Variants in NCKIPSD observed in about 807,000 individuals in gnomAD.
NCKIPSD encodes the protein NCK-interacting protein with SH3 domain.
Under a neutral mutation model 73.4 loss-of-function variants are expected in NCKIPSD, and 48 were observed. The observed-to-expected ratio is 0.65, with a 90% CI of 0.52 to 0.83. NCKIPSD has a LOEUF of 0.83. NCKIPSD is among the 40% of genes least tolerant of loss of function. NCKIPSD has a pLI of 0.00. For missense variants in NCKIPSD, 884 were observed against 970.2 expected, an observed-to-expected ratio of 0.91 and a Z score of 1.18; for synonymous variants, 422 against 403.6, an observed-to-expected ratio of 1.05 and a Z score of -0.54.
chr3:48,675,521 T>C (rs1473859191), intron 12 of NCKIPSD, among the ~76,000 whole-genome samples: 1 of 73,170 alleles, frequency 1.4e-5, no homozygotes, highest in East Asian at 2.3e-4. Flanking sequence ...TATATATATA[T>C]ATATATGATA....
chr3:48,677,774 C>T (rs2077277372), intron 12 of NCKIPSD, among the ~76,000 whole-genome samples: 1 of 152,206 alleles, frequency 6.6e-6, no homozygotes, highest in Admixed American at 6.5e-5. Flanking sequence ...CTAGTTGTTT[C>T]AGCTGTGCCC....
In NCKIPSD at chr3:48,681,636, CGGGGCACAGGT is replaced by C. The variant is rs767853285; in HGVS notation, c.732_742del (p.Val246ArgfsTer20). The C allele has an allele frequency of 1.9e-6, 3 of 1,612,694 alleles. No homozygotes were observed. In the South Asian group the frequency reaches 3.3e-5, roughly 18 times the overall value. ...GGACACGGTGGTGTGGGTGCCTCGG[CGGGGCACAGGT>C]GGGGGTGTGGGTGAGCAGCTGGAGC... On this transcript the variant is annotated frameshift_variant, in exon 5 of 13. Coordinates refer to ENST00000294129, the MANE Select transcript of NCKIPSD (RefSeq NM_016453.4). LOFTEE classifies it high-confidence loss of function.
At chr3:48,676,966 T>C (rs921949358) in intron 12 of NCKIPSD, among the ~76,000 whole-genome samples, 12 of 148,796 alleles carry the variant, frequency 8.1e-5, no homozygotes, top group African/African-American at 3.0e-4. Flanking sequence ...TTTGTATTTT[T>C]AGTAGAGACC....
At chr3:48,681,094 A>T in intron 5 of NCKIPSD, 193 bp downstream of exon 5, 1 of 833,794 alleles carries the variant, frequency 1.2e-6, no homozygotes, top group Non-Finnish European at 1.8e-6. Context: ...GCCCTTGTCC[A>T]GGCTGCGCAT....
intron 2 of NCKIPSD, 46 bp downstream of exon 2, chr3:48,682,857 C>A: frequency 6.6e-7 from 1 of 1,525,998 alleles, no homozygotes. Context: ...AACCCCACCC[C>A]ACCATGCTCA....
intron 1 of NCKIPSD, among the ~76,000 whole-genome samples, chr3:48,683,979 GACACACACACACACAC>G (rs545029045): frequency 7.8e-4 from 102 of 131,192 alleles, no homozygotes; most frequent in South Asian, 1.3e-3. Context: ...AAGACATGAA[GACACACACACACACAC>G]ACACACACAC....
intron 6 of NCKIPSD, 62 bp from the exon 7 acceptor site, chr3:48,679,949 A>G: frequency 1.2e-6 from 2 of 1,612,442 alleles, no homozygotes; most frequent in Middle Eastern, 1.7e-4. Context: ...GCCGCACAAG[A>G]GAGGGCTGAG....
Position 48,682,348 on chromosome 3 carries a change from C to G in NCKIPSD, c.486G>C (p.Gln162His). The change falls in exon 3 of 13, where the codon CAG becomes CAC. Residue 162 changes from glutamine to histidine, a missense_variant and splice_region_variant. By Grantham distance (24) the Gln-to-His change is conservative. Coordinates refer to ENST00000294129, the MANE Select transcript of NCKIPSD (RefSeq NM_016453.4). ...TCTCCACGATGTCCTCCCCACACAC[C>G]TGGTAGAGGCCTCCATCTGCCCCAA... ...EHLGADGGLY[Q>H]IPLPSSQIPP... is the part of the protein sequence containing the mutation. 6.2e-7 allele frequency: 1 copy of G among 1,613,990 alleles called. No individual in the cohort carries two copies. Among genetic ancestry groups the G allele is most frequent in the African/African-American group, 1.3e-5 (1 of 75,050 alleles).
At position 48,682,889 on chromosome 3, in the gene NCKIPSD, CCCT is replaced by C; in HGVS notation, c.281+11_281+13del. 1.3e-6 allele frequency: 2 copies of C among 1,541,226 alleles called. No homozygotes were observed. The highest frequency in any genetic ancestry group is 1.8e-6 in the Non-Finnish European group (2 of 1,139,696). ...CTCACCGGGAGGTCCCACTTCACTC[CCCT>C]CAACACTCACTGGAGGACTCCACGC... On this transcript the variant is annotated intron_variant, in intron 2 of 12. Transcript: ENST00000294129.
intron 5 of NCKIPSD, among the ~76,000 whole-genome samples, chr3:48,680,455 C>G (rs2077332731): frequency 6.6e-6 from 1 of 152,150 alleles, no homozygotes; most frequent in Admixed American, 6.5e-5. Flanking sequence ...CCTCTCATCC[C>G]AGACCTGGAT....
At chr3:48,681,908 C>T in intron 4 of NCKIPSD, 128 bp from the exon 5 acceptor site, 4 of 1,467,586 alleles carry the variant, frequency 2.7e-6, no homozygotes, top group Non-Finnish European at 3.6e-6. Context: ...TCACAAAGCC[C>T]AGAGCCCCTA....
rs11545754 is a variant in NCKIPSD, at chr3:48,674,096, A to G, written c.*448T>C. On this transcript the variant is annotated 3_prime_UTR_variant, in exon 13 of 13. Transcript: ENST00000294129. ...CCCCCATGTGCGGGTGGAGGGGAGG[A>G]CATGAGCAGCACTCACTGCAAAGCT... 3 of 1,087,164 alleles carry G rather than the reference A, an allele frequency of 2.8e-6. No individual in the cohort carries two copies. The highest frequency in any genetic ancestry group is 3.4e-6 in the Non-Finnish European group (3 of 891,938). The allele number at this position is 1,087,164 out of a possible 1,614,324, so 67.3% of individuals were successfully genotyped here.
rs375286046 is a variant in NCKIPSD at position 48,678,601 on chromosome 3, G to A, written c.1928C>T (p.Thr643Ile). The A allele has an allele frequency of 5.0e-6, 8 of 1,613,982 alleles. No individual in the cohort carries two copies. The highest frequency in any genetic ancestry group is 6.8e-6 in the Non-Finnish European group (8 of 1,179,990). ...HTDMMALIDITVRHIADLSPG... is the reference protein window; with the variant it reads ...HTDMMALIDIIVRHIADLSPG... ...TGACAGGTCTGCGATGTGCCGCACAGTGATGTCAATGAGAGCCATCATGTC... is the reference window on the plus strand; with the variant it reads ...TGACAGGTCTGCGATGTGCCGCACAATGATGTCAATGAGAGCCATCATGTC... The change falls in exon 12 of 13, where the codon ACT becomes ATT. Residue 643 changes from threonine to isoleucine, a missense_variant. Coordinates refer to ENST00000294129, the MANE Select transcript of NCKIPSD (RefSeq NM_016453.4).
chr3:48,685,873 G>C lies in NCKIPSD; in HGVS notation c.-66C>G, dbSNP rs992834641. ...GCGGCGCCACAACGCCAGGCCGGGA[G>C]CGCCGAGCCGCGCCGCGGTTGTCCC... On this transcript the variant is annotated 5_prime_UTR_variant, in exon 1 of 13. Coordinates refer to ENST00000294129, the MANE Select transcript of NCKIPSD (RefSeq NM_016453.4). The C allele has an allele frequency of 2.3e-6, 3 of 1,313,130 alleles. No homozygotes were observed. The highest frequency in any genetic ancestry group is 2.9e-6 in the Non-Finnish European group (3 of 1,027,588). The allele number at this position is 1,313,130 out of a possible 1,614,324, so 81.3% of individuals were successfully genotyped here. A position where few individuals can be genotyped will look rare whatever the true frequency, so the allele number is the denominator to read the frequency against.
chr3:48,682,927 C>T lies in NCKIPSD; in HGVS notation c.257G>A (p.Ser86Asn), dbSNP rs1295141434. Residue 86 changes from serine (S) to asparagine (N), a missense_variant, in exon 2 of 13, where the codon AGC becomes AAC. Transcript: ENST00000294129. The part of the protein sequence containing the change: ...NTAMRDGGKY[S>N]LEQRGVLQKL... ...CTGGAGGACTCCACGCTGTTCCAGG[C>T]TGTACTTGCCACCATCCCGCATGGC... 4 of 1,552,414 alleles carry T rather than the reference C, an allele frequency of 2.6e-6. No individual in the cohort carries two copies. Among genetic ancestry groups the T allele is most frequent in the Non-Finnish European group, 8.7e-7 (1 of 1,148,100 alleles).
rs773163750 is a variant in NCKIPSD at position 48,679,195 on chromosome 3, G to C, written c.1571-12C>G. The C allele has an allele frequency of 1.2e-5, 20 of 1,613,520 alleles. No homozygotes were observed. In the Admixed American group the frequency reaches 3.3e-4, roughly 27 times the overall value. On this transcript the variant is annotated splice_polypyrimidine_tract_variant and intron_variant, in intron 9 of 12. Transcript: ENST00000294129. The stretch of plus-strand genomic sequence containing the variant: ...CGTGCCCAGGTGCTCTGGGAGAGGG[G>C]CGCACAGAAGTCTGCAGCCCCATTC...
At chr3:48,681,824 A>G (rs1164149375) in intron 4 of NCKIPSD, 44 bp from the exon 5 acceptor site, 1 of 1,460,700 alleles carries the variant, frequency 6.8e-7, no homozygotes, top group East Asian at 2.5e-5. Flanking sequence ...GCCCCCTGGA[A>G]AACCATACCC....
intron 5 of NCKIPSD, among the ~76,000 whole-genome samples, chr3:48,680,947 A>C (rs1192747910): frequency 2.0e-5 from 3 of 151,924 alleles, no homozygotes; most frequent in Non-Finnish European, 2.9e-5. Context: ...ACTCTTGGCC[A>C]CCCGCATGTC....
chr3:48,675,018 G>C (rs1438659143), intron 12 of NCKIPSD, among the ~76,000 whole-genome samples: 1 of 152,066 alleles, frequency 6.6e-6, no homozygotes, highest in Non-Finnish European at 1.5e-5. Flanking sequence ...GTCTCTCAAG[G>C]TGCCTCTGTC....
Sources: allele counts gnomAD v4.1 joint callset (sites outside exome capture counted in the v4.1 genomes callset), GRCh38; gene constraint gnomAD v4.1.1; transcripts MANE v1.5; gene names NCBI Gene and HGNC (gene_info 2026-07-23, HGNC 2026-07-21).